KSR2: variants seen among roughly 807,000 people sequenced by gnomAD.
KSR2 encodes kinase suppressor of ras 2.
A neutral mutation model predicts 107.8 loss-of-function variants in KSR2; 25 were observed. The observed-to-expected ratio is 0.23, with a 90% CI of 0.17 to 0.32. The LOEUF is 0.32. Ranked by LOEUF, KSR2 falls within the 10% of genes least tolerant of loss-of-function variation. The pLI, the probability that KSR2 is intolerant of heterozygous loss-of-function variation, is 1.00. For missense variants in KSR2, 887 were observed against 1,268.9 expected (o/e 0.70, Z 4.57); for synonymous variants, 480 against 507.0 (o/e 0.95, Z 0.71).
chr12:117,939,450 T>C (rs1451619450), intron 1 of KSR2, among the ~76,000 whole-genome samples: 1 of 152,114 alleles, frequency 6.6e-6, no homozygotes, highest in African/African-American at 2.4e-5. Context: ...CGGTGGCTCA[T>C]GCCTGTAATC....
chr12:117,654,012 G>T (rs1247225583), intron 5 of KSR2, among the ~76,000 whole-genome samples: 1 of 152,192 alleles, frequency 6.6e-6, no homozygotes, highest in African/African-American at 2.4e-5. Flanking sequence ...CACAGCAGAG[G>T]CTTCTAGGAT....
At chr12:117,577,625 G>A (rs1879365304) in intron 7 of KSR2, among the ~76,000 whole-genome samples, 1 of 152,182 alleles carries the variant, frequency 6.6e-6, no homozygotes, top group African/African-American at 2.4e-5. Flanking sequence ...AATCCCGGTG[G>A]AAGGCAAAAG....
chr12:117,769,108 G>A (rs1356956287), intron 3 of KSR2, among the ~76,000 whole-genome samples: 1 of 152,210 alleles, frequency 6.6e-6, no homozygotes, highest in African/African-American at 2.4e-5. Context: ...ATTCTGGAAT[G>A]CAGCTGAACC....
At position 117,914,887 on chromosome 12, in the gene KSR2, G is replaced by A. The variant is rs140498434; in HGVS notation, c.180+53189C>T. Among the ~76,000 whole-genome samples, 282 of 152,286 alleles carry A rather than the reference G, an allele frequency of 1.9e-3. 2 individuals are homozygous for A. Among genetic ancestry groups the A allele is most frequent in the Middle Eastern group, 6.8e-3 (2 of 294 alleles). On this transcript the variant is annotated intron_variant, in intron 1 of 19. Coordinates refer to ENST00000339824, the MANE Select transcript of KSR2 (RefSeq NM_173598.6). ...CATGGTGTGAACTGAGGCTGAATACGGTGTGAGCTGAGGGATCTGAAACTA... is the reference window on the plus strand; with the variant it reads ...CATGGTGTGAACTGAGGCTGAATACAGTGTGAGCTGAGGGATCTGAAACTA...
rs117531869 is a variant in KSR2, at chr12:117,897,020, T to A, written c.181-36589A>T. On this transcript the variant is annotated intron_variant, in intron 1 of 19. Transcript: ENST00000339824. The surrounding 1 kb of genome is among the most constrained non-coding windows in gnomAD (Gnocchi z 4.5). ...GGTGCTGTGCCAAGCAGGGCAGTGA[T>A]ACTTCATCTGCCTAACCAGGAGGTG... is the stretch of plus-strand genomic sequence containing the variant. Among the ~76,000 whole-genome samples, 83 of 152,292 alleles carry A rather than the reference T, an allele frequency of 5.5e-4. No individual in the cohort carries two copies. In the East Asian group the frequency reaches 0.015, roughly 28 times the overall value.
intron 5 of KSR2, among the ~76,000 whole-genome samples, chr12:117,634,611 C>T (rs1882969791): frequency 6.6e-6 from 1 of 152,100 alleles, no homozygotes; most frequent in African/African-American, 2.4e-5. Flanking sequence ...TCTCGGGTGA[C>T]ACTCGCATGG....
intron 3 of KSR2, among the ~76,000 whole-genome samples, chr12:117,840,348 T>C (rs747029592): frequency 6.6e-6 from 1 of 152,174 alleles, no homozygotes; most frequent in Non-Finnish European, 1.5e-5. Flanking sequence ...TCCACCCACC[T>C]TGGCCTCCCA....
intron 1 of KSR2, among the ~76,000 whole-genome samples, chr12:117,935,549 T>C (rs7303048): frequency 6.6e-6 from 1 of 151,988 alleles, no homozygotes; most frequent in East Asian, 1.9e-4. Context: ...TCATTTGAGG[T>C]CAGGAGTTCG....
intron 4 of KSR2, among the ~76,000 whole-genome samples, chr12:117,730,480 CG>C (rs1180289380): frequency 8.7e-5 from 13 of 148,832 alleles, no homozygotes; most frequent in African/African-American, 3.2e-4. Flanking sequence ...CCCTCTCCCT[CG>C]TCTCCCCTCT....
At position 117,825,391 on chromosome 12, in the gene KSR2, G is replaced by T. The variant is rs534480449; in HGVS notation, c.472+30037C>A. Among the ~76,000 whole-genome samples, 4 of 152,234 alleles carry T rather than the reference G, an allele frequency of 2.6e-5. No homozygotes were observed. The South Asian group carries it at 8.3e-4, about 32-fold the overall frequency. On this transcript the variant is annotated intron_variant, in intron 3 of 19. Transcript: ENST00000339824. ...TAAATGTGTGCAGGGATGGATAGGT[G>T]CATGGGTCGGGGCATAAATGTAGTG...
intron 5 of KSR2, among the ~76,000 whole-genome samples, chr12:117,637,675 G>GTTTT (rs56169273): frequency 0.068 from 6,209 of 91,338 alleles, 992 homozygotes; most frequent in Non-Finnish European, 0.076. Context: ...TCAGTTTTGG[G>GTTTT]TTTTTTTTTT....
intron 1 of KSR2, among the ~76,000 whole-genome samples, chr12:117,917,787 C>G (rs1358543234): frequency 6.6e-6 from 1 of 152,152 alleles, no homozygotes. Context: ...AGCCATGCCC[C>G]ATTCTCCCCC....
intron 7 of KSR2, among the ~76,000 whole-genome samples, chr12:117,565,702 T>C (rs568086821): frequency 9.8e-5 from 15 of 152,376 alleles, no homozygotes; most frequent in African/African-American, 3.6e-4. Context: ...CTGTTGGAGA[T>C]AACTTATCTG....
At chr12:117,733,498 G>A (rs1205295260) in intron 4 of KSR2, among the ~76,000 whole-genome samples, 2 of 152,156 alleles carry the variant, frequency 1.3e-5, no homozygotes, top group African/African-American at 4.8e-5. Context: ...AGTTTTATTG[G>A]AACACAGCCA....
chr12:117,834,849 G>A (rs1892133137), intron 3 of KSR2, among the ~76,000 whole-genome samples: 1 of 152,190 alleles, frequency 6.6e-6, no homozygotes. Flanking sequence ...CAAATGCAAA[G>A]GTGGGAATTA....
chr12:117,484,762 C>T (rs1872364719), intron 15 of KSR2, among the ~76,000 whole-genome samples: 5 of 152,162 alleles, frequency 3.3e-5, no homozygotes. Context: ...AGACACAAAT[C>T]CACTGCCACT....
At chr12:117,534,905 T>C (rs143109057) in intron 10 of KSR2, among the ~76,000 whole-genome samples, 113 of 152,228 alleles carry the variant, frequency 7.4e-4, no homozygotes, top group Middle Eastern at 3.4e-3. Flanking sequence ...GGCAAGGAGA[T>C]GGATTCTCCC....
chr12:117,643,207 A>G (rs1301936651), intron 5 of KSR2, among the ~76,000 whole-genome samples: 1 of 152,168 alleles, frequency 6.6e-6, no homozygotes, highest in African/African-American at 2.4e-5. Context: ...TTAGGAGGCC[A>G]AGGTGGGCAG....
chr12:117,476,138 T>C (rs1413651075), intron 17 of KSR2, among the ~76,000 whole-genome samples: 1 of 152,256 alleles, frequency 6.6e-6, no homozygotes, highest in Non-Finnish European at 1.5e-5. Flanking sequence ...TATGTAGTAA[T>C]AATGAAGACA....
Sources: allele counts gnomAD v4.1 joint callset (sites outside exome capture counted in the v4.1 genomes callset), GRCh38; gene constraint gnomAD v4.1.1; non-coding constraint Gnocchi (gnomAD v3.1); transcripts MANE v1.5; gene names NCBI Gene and HGNC (gene_info 2026-07-23, HGNC 2026-07-21).